TNR: variants seen among roughly 807,000 people sequenced by gnomAD.
The protein encoded by TNR is tenascin R.
TNR carries 45 observed loss-of-function variants against 150.4 expected under a neutral mutation model. That is an observed-to-expected ratio of 0.30 (90% CI 0.24 to 0.38). The LOEUF (loss-of-function observed/expected upper bound fraction) is 0.38, where lower values mean the gene tolerates loss of function less well. Among genes scored for constraint, TNR ranks in the 10% least tolerant of loss-of-function variants. TNR has a pLI of 1.00. For synonymous variants in TNR, 687 were observed against 678.4 expected, an observed-to-expected ratio of 1.01 and a Z score of -0.20; for missense variants, 1,544 against 1,759.1, an observed-to-expected ratio of 0.88 and a Z score of 2.19.
chr1:175,588,926 T>C lies in TNR; in HGVS notation c.-164-60557A>G, dbSNP rs74406939. On this transcript the variant is annotated intron_variant, in intron 1 of 22. Transcript: ENST00000367674. ...GAGTAGACCCAGTATGGCCAGTTCTTGTCGCATTCATCTATGGTAACAATG... is the reference window on the plus strand; with the variant it reads ...GAGTAGACCCAGTATGGCCAGTTCTCGTCGCATTCATCTATGGTAACAATG... Among the ~76,000 whole-genome samples, 254 of 152,244 alleles carry C rather than the reference T, an allele frequency of 1.7e-3. 1 individual carries two copies. The highest frequency in any genetic ancestry group is 6.8e-3 in the Middle Eastern group (2 of 294).
chr1:175,535,191 C>T (rs540515764), intron 1 of TNR, among the ~76,000 whole-genome samples: 105 of 152,172 alleles, frequency 6.9e-4, no homozygotes, highest in Non-Finnish European at 1.1e-3. Flanking sequence ...ATTTGTGGTG[C>T]TTAGAGTTGG....
chr1:175,561,098 C>G (rs547358795), intron 1 of TNR, among the ~76,000 whole-genome samples: 11 of 152,168 alleles, frequency 7.2e-5, no homozygotes, highest in Non-Finnish European at 1.5e-4. Context: ...TTGTCTCTGG[C>G]ATTTTTCTAG....
intron 8 of TNR, among the ~76,000 whole-genome samples, chr1:175,380,611 G>A (rs1288667228): frequency 6.6e-5 from 10 of 151,576 alleles, no homozygotes; most frequent in Admixed American, 5.9e-4. Context: ...GGCCTGGGCT[G>A]GCTTCCTGTT....
intron 1 of TNR, among the ~76,000 whole-genome samples, chr1:175,740,942 CACG>C (rs1571809549): frequency 6.6e-6 from 1 of 152,202 alleles, no homozygotes; most frequent in African/African-American, 2.4e-5. Context: ...CAATCAGGTG[CACG>C]ACATCAGTTC....
At chr1:175,331,077 C>CT (rs61033216) in intron 20 of TNR, among the ~76,000 whole-genome samples, 1 of 94,188 alleles carries the variant, frequency 1.1e-5, no homozygotes. Context: ...TTCTTTCTTT[C>CT]CTTCTTTCTT....
intron 2 of TNR, among the ~76,000 whole-genome samples, chr1:175,445,504 G>A (rs1656009971): frequency 6.6e-6 from 1 of 152,086 alleles, no homozygotes; most frequent in Non-Finnish European, 1.5e-5. Context: ...CACAAAAAGT[G>A]TTGACTTTAC....
chr1:175,422,280 CT>C (rs1478192022), intron 2 of TNR, among the ~76,000 whole-genome samples: 2 of 152,192 alleles, frequency 1.3e-5, no homozygotes, highest in Non-Finnish European at 2.9e-5. Flanking sequence ...TGTTTTCCCC[CT>C]GGAGGGTCCC....
chr1:175,335,166 G>A (rs1297583731), intron 20 of TNR: 1 of 152,370 alleles, frequency 6.6e-6, no homozygotes, highest in Admixed American at 6.5e-5. Flanking sequence ...GCCTGGCTTG[G>A]ATGTGTGTTT....
At chr1:175,505,233 C>T (rs926175796) in intron 2 of TNR, among the ~76,000 whole-genome samples, 5 of 152,228 alleles carry the variant, frequency 3.3e-5, no homozygotes, top group African/African-American at 1.2e-4. Context: ...CTGACAGGAG[C>T]GGCTCTGCGC....
intron 2 of TNR, among the ~76,000 whole-genome samples, chr1:175,489,571 G>A (rs200685168): frequency 2.0e-5 from 3 of 152,270 alleles, no homozygotes; most frequent in South Asian, 4.2e-4. Flanking sequence ...CTGCCCTGTG[G>A]TCTCTTTGCC....
chr1:175,555,104 A>G (rs1661099977), intron 1 of TNR, among the ~76,000 whole-genome samples: 1 of 152,190 alleles, frequency 6.6e-6, no homozygotes. Flanking sequence ...CAAGAAAGCC[A>G]AAAAAGAGGG....
At position 175,404,798 on chromosome 1, in the gene TNR, G is replaced by C. The variant is rs375819836; in HGVS notation, c.500-1182C>G. Among the ~76,000 whole-genome samples, 17 of 152,328 alleles carry C rather than the reference G, an allele frequency of 1.1e-4. No homozygotes were observed. In the East Asian group the frequency reaches 2.1e-3, roughly 19 times the overall value. On this transcript the variant is annotated intron_variant, in intron 3 of 22. Transcript: ENST00000367674. The stretch of plus-strand genomic sequence containing the variant: ...ACCTAGGACTTTCCCCTATTCTCCT[G>C]CTCCATTGAAAAGACAAGCTGACCT...
chr1:175,388,505 A>G (rs1157902282), intron 7 of TNR, among the ~76,000 whole-genome samples: 2 of 152,156 alleles, frequency 1.3e-5, no homozygotes, highest in African/African-American at 4.8e-5. Flanking sequence ...GGTGTAGGTC[A>G]GACCTTAGCA....
chr1:175,706,298 G>A (rs184151979), intron 1 of TNR, among the ~76,000 whole-genome samples: 152 of 152,206 alleles, frequency 1.0e-3, no homozygotes, highest in Middle Eastern at 6.8e-3. Flanking sequence ...GGAGGACTTG[G>A]TACAGGCTAG....
At position 175,365,940 on chromosome 1, in the gene TNR, A is replaced by G; in HGVS notation, c.2252T>C (p.Ile751Thr). The G allele has an allele frequency of 6.2e-7, 1 of 1,614,076 alleles. No individual in the cohort carries two copies. The highest frequency in any genetic ancestry group is 8.5e-7 in the Non-Finnish European group (1 of 1,179,978). The part of the protein sequence containing the change: ...LTDLEPGAEY[I>T]ISVTAERGRQ... ...ACCCCTCTCAGCAGTGACGGAAATG[A>G]TGTACTCTGCCCCAGGCTCTAGATC... is the stretch of plus-strand genomic sequence containing the variant. The change falls in exon 11 of 23, where the codon ATC (isoleucine) becomes ACC (threonine). Residue 751 changes from isoleucine (I) to threonine (T), a missense_variant. This residue lies in a region of TNR where 1,254 missense variants were observed against 1,329.4 expected (regional missense o/e 0.94). Coordinates refer to ENST00000367674, the MANE Select transcript of TNR (RefSeq NM_003285.3).
intron 1 of TNR, among the ~76,000 whole-genome samples, chr1:175,650,010 T>C (rs1428475537): frequency 6.6e-6 from 1 of 152,094 alleles, no homozygotes; most frequent in Non-Finnish European, 1.5e-5. Context: ...TAAAAATAAA[T>C]AGAGCAAAGC....
intron 2 of TNR, among the ~76,000 whole-genome samples, chr1:175,429,305 T>C (rs949670799): frequency 2.0e-5 from 3 of 152,176 alleles, no homozygotes; most frequent in Non-Finnish European, 4.4e-5. Context: ...TTAGAATTGA[T>C]ATATAGATAA....
chr1:175,542,350 C>T (rs1259541652), intron 1 of TNR, among the ~76,000 whole-genome samples: 1 of 152,116 alleles, frequency 6.6e-6, no homozygotes, highest in Non-Finnish European at 1.5e-5. Context: ...TGCTTGGAGG[C>T]ATTTAGCCCA....
intron 1 of TNR, among the ~76,000 whole-genome samples, chr1:175,687,441 A>G (rs1308890988): frequency 6.6e-6 from 1 of 152,070 alleles, no homozygotes; most frequent in Admixed American, 6.6e-5. Flanking sequence ...AGTCCCATCA[A>G]TTCTTTACAC....
Sources: allele counts gnomAD v4.1 joint callset (sites outside exome capture counted in the v4.1 genomes callset), GRCh38; gene constraint gnomAD v4.1.1; regional missense constraint gnomAD v4.1.1; transcripts MANE v1.5; gene names NCBI Gene and HGNC (gene_info 2026-07-23, HGNC 2026-07-21).